EXOC2: variants seen among roughly 807,000 people sequenced by gnomAD.
EXOC2 encodes the protein exocyst complex component 2.
A neutral mutation model predicts 131.8 loss-of-function variants in EXOC2; 70 were observed. That is an observed-to-expected ratio of 0.53 (90% CI 0.44 to 0.65). EXOC2 has a LOEUF of 0.65. EXOC2 is among the 30% of genes least tolerant of loss of function. The probability of loss-of-function intolerance (pLI) is 0.00; values close to 1 mark genes in which losing one functional copy is unlikely to be tolerated. For synonymous variants in EXOC2, 411 were observed against 398.4 expected, an observed-to-expected ratio of 1.03 and a Z score of -0.38; for missense variants, 923 against 1,108.6, an observed-to-expected ratio of 0.83 and a Z score of 2.38.
intron 11 of EXOC2, among the ~76,000 whole-genome samples, chr6:582,349 C>T (rs1186528382): frequency 6.6e-6 from 1 of 152,160 alleles, no homozygotes; most frequent in East Asian, 1.9e-4. Flanking sequence ...ATTTTCTCAT[C>T]CTTCATGCCT....
intron 1 of EXOC2, among the ~76,000 whole-genome samples, chr6:686,483 T>C (rs982149817): frequency 2.6e-5 from 4 of 152,156 alleles, no homozygotes; most frequent in Admixed American, 6.5e-5. Flanking sequence ...TCTACAATGT[T>C]TGGAGGTGAG....
intron 27 of EXOC2, 79 bp from the exon 28 acceptor site, chr6:486,843 T>G: frequency 9.5e-7 from 1 of 1,053,520 alleles, no homozygotes; most frequent in Non-Finnish European, 1.5e-6. Context: ...GGGGAGCCAG[T>G]GCCCGGCTCT....
intron 22 of EXOC2, among the ~76,000 whole-genome samples, chr6:533,422 TC>T (rs1766223634): frequency 6.6e-6 from 1 of 152,104 alleles, no homozygotes; most frequent in Non-Finnish European, 1.5e-5. Context: ...CCAGTGTGGC[TC>T]CCCTGGATTC....
intron 1 of EXOC2, among the ~76,000 whole-genome samples, chr6:664,356 A>T (rs556089393): frequency 6.6e-6 from 1 of 152,346 alleles, no homozygotes; most frequent in South Asian, 2.1e-4. Flanking sequence ...CAATATTGTG[A>T]AAATGACCAT....
chr6:501,202 T>TA (rs1422418986), intron 23 of EXOC2, among the ~76,000 whole-genome samples: 3 of 9,026 alleles, frequency 3.3e-4, no homozygotes, highest in Non-Finnish European at 8.5e-4. Context: ...TCTATATATA[T>TA]TATATATATA....
intron 11 of EXOC2, among the ~76,000 whole-genome samples, chr6:582,819 T>C (rs1031066081): frequency 1.2e-4 from 18 of 152,212 alleles, no homozygotes; most frequent in Middle Eastern, 3.4e-3. Context: ...GAGAATCACT[T>C]AATCCAAATT....
intron 4 of EXOC2, among the ~76,000 whole-genome samples, chr6:623,681 C>T (rs929373398): frequency 1.4e-4 from 22 of 152,178 alleles, no homozygotes; most frequent in African/African-American, 4.8e-4. Context: ...TGCCCCTTAA[C>T]TGGGGAGAGA....
intron 1 of EXOC2, among the ~76,000 whole-genome samples, chr6:692,802 G>T (rs1764999921): frequency 6.6e-6 from 1 of 152,100 alleles, no homozygotes; most frequent in Non-Finnish European, 1.5e-5. Flanking sequence ...GCGGGGGTGG[G>T]CGCGGAGCCC....
chr6:492,602 T>G (rs1763502308), intron 25 of EXOC2, among the ~76,000 whole-genome samples: 1 of 152,190 alleles, frequency 6.6e-6, no homozygotes, highest in Non-Finnish European at 1.5e-5. Flanking sequence ...TGTCACAACA[T>G]GGATGAACCC....
rs1260787898 is a variant in EXOC2, at chr6:486,602, T to C, written c.*69A>G. The C allele has an allele frequency of 3.1e-5, 42 of 1,355,976 alleles. No individual in the cohort carries two copies. The highest frequency in any genetic ancestry group is 4.1e-5 in the Non-Finnish European group (39 of 953,080). 84.0% of individuals were successfully genotyped at this position (1,355,976 alleles called of 1,614,324 possible). ...CAATGTTTAATACACCAAATACCTT[T>C]AGGGTACTTAGAGAGTGAACAGTCT... On this transcript the variant is annotated 3_prime_UTR_variant, in exon 28 of 28. Transcript: ENST00000230449.
At chr6:616,621 A>AAC (rs1761025807) in intron 6 of EXOC2, among the ~76,000 whole-genome samples, 3 of 151,412 alleles carry the variant, frequency 2.0e-5, no homozygotes, top group East Asian at 1.9e-4. Flanking sequence ...AAAAAAAAAA[A>AAC]AACTAACTTC....
At chr6:527,878 A>G (rs1765838567) in intron 23 of EXOC2, among the ~76,000 whole-genome samples, 1 of 143,184 alleles carries the variant, frequency 7.0e-6, no homozygotes, top group Non-Finnish European at 1.5e-5. Context: ...GAAAAAATAA[A>G]ACCAGTATTT....
At chr6:692,147 G>T (rs1764957408) in intron 1 of EXOC2, among the ~76,000 whole-genome samples, 1 of 152,166 alleles carries the variant, frequency 6.6e-6, no homozygotes, top group African/African-American at 2.4e-5. Context: ...TTAAAGTGTG[G>T]CTAACTTAGA....
At chr6:548,873 T>C (rs991335803) in intron 22 of EXOC2, among the ~76,000 whole-genome samples, 1 of 152,238 alleles carries the variant, frequency 6.6e-6, no homozygotes, top group Non-Finnish European at 1.5e-5. Flanking sequence ...GTTTGCTGCC[T>C]TTCCCTCCTC....
intron 17 of EXOC2, 125 bp from the exon 18 acceptor site, chr6:556,689 G>T (rs995311850): frequency 6.2e-6 from 6 of 962,036 alleles, no homozygotes; most frequent in Non-Finnish European, 9.5e-6. Flanking sequence ...ACAGACACAC[G>T]ATCTGAAAAG....
intron 4 of EXOC2, 37 bp downstream of exon 4, chr6:629,798 G>C: frequency 6.2e-7 from 1 of 1,604,744 alleles, no homozygotes; most frequent in East Asian, 2.2e-5. Context: ...TTCAGGAACT[G>C]AAAAATAAAG....
chr6:555,683 T>C (rs1222795248), intron 19 of EXOC2, among the ~76,000 whole-genome samples: 1 of 152,214 alleles, frequency 6.6e-6, no homozygotes, highest in South Asian at 2.1e-4. Context: ...TTAATTTACG[T>C]TGTGCTCGAA....
chr6:675,909 C>T (rs1172376544), intron 1 of EXOC2, among the ~76,000 whole-genome samples: 47 of 79,570 alleles, frequency 5.9e-4, no homozygotes, highest in East Asian at 4.6e-3. Flanking sequence ...GGACAGTTTC[C>T]TCTGGAGACT....
At position 628,126 on chromosome 6, in the gene EXOC2, C is replaced by T. The variant is rs188775235; in HGVS notation, c.422+1709G>A. ...TACCTCCTCACTTCCTGATTCCTCGCATCGACCCTAAGGAACAGGTACTGC... is the reference window on the plus strand; with the variant it reads ...TACCTCCTCACTTCCTGATTCCTCGTATCGACCCTAAGGAACAGGTACTGC... On this transcript the variant is annotated intron_variant, in intron 4 of 27. Coordinates refer to ENST00000230449, the MANE Select transcript of EXOC2 (RefSeq NM_018303.6). Among the ~76,000 whole-genome samples, 25 of 152,304 alleles carry T rather than the reference C, an allele frequency of 1.6e-4. No individual in the cohort carries two copies. In the East Asian group the frequency reaches 4.6e-3, roughly 28 times the overall value.
Sources: allele counts gnomAD v4.1 joint callset (sites outside exome capture counted in the v4.1 genomes callset), GRCh38; gene constraint gnomAD v4.1.1; transcripts MANE v1.5; gene names NCBI Gene and HGNC (gene_info 2026-07-23, HGNC 2026-07-21).